The following IQGAP2 variants were observed in gnomAD, a reference collection of about 807,000 sequenced individuals.
The protein encoded by IQGAP2 is IQ motif containing GTPase activating protein 2, also known as ras GTPase-activating-like protein IQGAP2.
Under a neutral mutation model 201.3 loss-of-function variants are expected in IQGAP2, and 173 were observed. The ratio of observed to expected loss-of-function variants is 0.86; its 90% CI spans 0.76 to 0.98. IQGAP2 has a LOEUF of 0.98. IQGAP2 is among the 50% of genes least tolerant of loss of function. The pLI is 0.00. For missense variants in IQGAP2, 1,687 were observed against 1,864.8 expected (o/e 0.90, Z 1.76); for synonymous variants, 675 against 673.9 (o/e 1.00, Z -0.03).
chr5:76,601,684 A>G (rs1747440079), intron 11 of IQGAP2, among the ~76,000 whole-genome samples: 2 of 152,198 alleles, frequency 1.3e-5, no homozygotes, highest in African/African-American at 4.8e-5. Flanking sequence ...ACAGATCTTG[A>G]CAAAAGCTCT....
chr5:76,448,252 G>A (rs1239521002), intron 1 of IQGAP2, among the ~76,000 whole-genome samples: 2 of 152,180 alleles, frequency 1.3e-5, no homozygotes, highest in African/African-American at 4.8e-5. Flanking sequence ...GTGCAATGAA[G>A]AGGAGCTGGT....
rs1411603089 is a variant in IQGAP2, at chr5:76,577,387, G to A, written c.458+1618G>A. Among the ~76,000 whole-genome samples the A allele has an allele frequency of 2.0e-5, 3 of 152,124 alleles. No individual in the cohort carries two copies. The East Asian group carries it at 5.8e-4, about 29-fold the overall frequency. On this transcript the variant is annotated intron_variant, in intron 5 of 35. Coordinates refer to ENST00000274364, the MANE Select transcript of IQGAP2 (RefSeq NM_006633.5). ...ACCAATTGTATACAAATATTGATGT[G>A]ATATTTTCCAGGACTGTGTTTTTCA...
chr5:76,562,361 G>A, intron 2 of IQGAP2, 35 bp from the exon 3 acceptor site: 1 of 1,526,918 alleles, frequency 6.5e-7, no homozygotes, highest in Non-Finnish European at 9.0e-7. Flanking sequence ...TACCCAACTG[G>A]AATCACTTTA....
intron 17 of IQGAP2, among the ~76,000 whole-genome samples, chr5:76,644,905 T>C (rs903567821): frequency 2.0e-5 from 3 of 152,146 alleles, no homozygotes; most frequent in African/African-American, 7.2e-5. Flanking sequence ...AATGTGCAGG[T>C]TTGTTACATA....
chr5:76,685,151 C>T (rs1401059305), intron 30 of IQGAP2, among the ~76,000 whole-genome samples: 1 of 152,088 alleles, frequency 6.6e-6, no homozygotes, highest in East Asian at 1.9e-4. Context: ...GAGTTGAGGG[C>T]GGTTCTTTTT....
intron 2 of IQGAP2, among the ~76,000 whole-genome samples, chr5:76,539,019 T>A (rs1251312908): frequency 6.6e-6 from 1 of 152,206 alleles, no homozygotes; most frequent in Non-Finnish European, 1.5e-5. Flanking sequence ...CTCAGCCTCG[T>A]TTGTGAGCAG....
At chr5:76,495,717 G>A (rs1247345014) in intron 2 of IQGAP2, among the ~76,000 whole-genome samples, 2 of 152,180 alleles carry the variant, frequency 1.3e-5, no homozygotes, top group South Asian at 2.1e-4. Context: ...CAATCATGGC[G>A]GAAGGTGAAG....
At chr5:76,477,686 C>G (rs189703130) in intron 2 of IQGAP2, among the ~76,000 whole-genome samples, 96 of 152,018 alleles carry the variant, frequency 6.3e-4, no homozygotes, top group African/African-American at 2.3e-3. Flanking sequence ...TAAAATGGCC[C>G]CAGGCAGGCC....
At chr5:76,472,891 T>G (rs892881760) in intron 2 of IQGAP2, among the ~76,000 whole-genome samples, 1 of 152,202 alleles carries the variant, frequency 6.6e-6, no homozygotes, top group Non-Finnish European at 1.5e-5. Context: ...GCAAATGTAC[T>G]TTACTCACAA....
intron 28 of IQGAP2, among the ~76,000 whole-genome samples, chr5:76,678,683 C>G (rs781003902): frequency 6.6e-6 from 1 of 152,164 alleles, no homozygotes; most frequent in Non-Finnish European, 1.5e-5. Flanking sequence ...TAAGGATGCA[C>G]CCAACTTTGG....
rs186870949 is a variant in IQGAP2, at chr5:76,609,951, T to C, written c.1358-1069T>C. 3.9e-4 allele frequency among the ~76,000 whole-genome samples: 58 copies of C among 149,282 alleles called. No homozygotes were observed. The East Asian group carries it at 0.01, about 27-fold the overall frequency. On this transcript the variant is annotated intron_variant, in intron 12 of 35. Transcript: ENST00000274364. ...AATAATAAGGTATTGAGAAGTAACCTCCAGATAGATCCGTTTCATTAGAAT... is the reference window on the plus strand; with the variant it reads ...AATAATAAGGTATTGAGAAGTAACCCCCAGATAGATCCGTTTCATTAGAAT...
intron 13 of IQGAP2, among the ~76,000 whole-genome samples, chr5:76,614,154 C>T (rs1038266053): frequency 1.3e-5 from 2 of 152,170 alleles, no homozygotes; most frequent in Non-Finnish European, 2.9e-5. Context: ...CTTTCATAGG[C>T]AGGCAGTATA....
At chr5:76,415,506 G>C (rs1751358872) in intron 1 of IQGAP2, among the ~76,000 whole-genome samples, 1 of 152,216 alleles carries the variant, frequency 6.6e-6, no homozygotes, top group Admixed American at 6.5e-5. Flanking sequence ...AAATTAGTCT[G>C]AAAGATAGAT....
At chr5:76,418,164 G>A (rs1317719523) in intron 1 of IQGAP2, among the ~76,000 whole-genome samples, 8 of 138,962 alleles carry the variant, frequency 5.8e-5, no homozygotes, top group African/African-American at 1.7e-4. Context: ...CTGAGATTGC[G>A]CCATTGCATC....
At chr5:76,599,642 G>A (rs1747291623) in intron 10 of IQGAP2, among the ~76,000 whole-genome samples, 1 of 151,964 alleles carries the variant, frequency 6.6e-6, no homozygotes, top group Non-Finnish European at 1.5e-5. Flanking sequence ...CTTCCCATTT[G>A]CTTTGAAAGA....
chr5:76,466,156 C>A (rs571176596), intron 2 of IQGAP2, among the ~76,000 whole-genome samples: 1 of 151,454 alleles, frequency 6.6e-6, no homozygotes, highest in Non-Finnish European at 1.5e-5. Context: ...GGTAATGTAG[C>A]GAAACCCTGT....
intron 9 of IQGAP2, among the ~76,000 whole-genome samples, chr5:76,596,427 T>G (rs1398865049): frequency 6.6e-6 from 1 of 152,242 alleles, no homozygotes; most frequent in African/African-American, 2.4e-5. Flanking sequence ...ATGCTGAATC[T>G]ACTGTTCCAA....
intron 15 of IQGAP2, among the ~76,000 whole-genome samples, chr5:76,635,098 C>T (rs1184173413): frequency 6.6e-6 from 1 of 152,202 alleles, no homozygotes; most frequent in Non-Finnish European, 1.5e-5. Flanking sequence ...TCAGGAATTA[C>T]TGTAATGTCC....
In IQGAP2 at chr5:76,677,428, A is replaced by G. The variant is rs1398085689; in HGVS notation, c.3660+78A>G. 7.2e-6 allele frequency: 10 copies of G among 1,385,012 alleles called. No homozygotes were observed. In the East Asian group the frequency reaches 9.2e-5, roughly 13 times the overall value. The allele number at this position is 1,385,012 out of a possible 1,614,324, so 85.8% of individuals were successfully genotyped here. ...GTTATCTTGAAAATGCTTAATCTCT[A>G]CAGGACTTATTGTACACATGTGCTA... On this transcript the variant is annotated intron_variant, in intron 28 of 35. Coordinates refer to ENST00000274364, the MANE Select transcript of IQGAP2 (RefSeq NM_006633.5).
Sources: gnomAD v4.1 joint callset for allele counts (sites outside exome capture counted in the v4.1 genomes callset) on GRCh38, gnomAD v4.1.1 for gene constraint, MANE v1.5 for transcripts, NCBI Gene and HGNC (gene_info 2026-07-23, HGNC 2026-07-21) for gene names.